The following TNRC6B variants were observed in gnomAD, a reference collection of about 807,000 sequenced individuals.
TNRC6B encodes trinucleotide repeat containing adaptor 6B, also known as trinucleotide repeat-containing gene 6B protein.
In TNRC6B, 52 loss-of-function variants were observed where a neutral mutation model predicts 203.6. The observed-to-expected ratio is 0.26, with a 90% CI of 0.20 to 0.32. The LOEUF (loss-of-function observed/expected upper bound fraction) is 0.32, where lower values mean the gene tolerates loss of function less well. TNRC6B is among the 10% of genes least tolerant of loss of function. The probability of loss-of-function intolerance (pLI) is 1.00; values close to 1 mark genes in which losing one functional copy is unlikely to be tolerated. For synonymous variants in TNRC6B, 838 were observed against 845.7 expected, an observed-to-expected ratio of 0.99 and a Z score of 0.16; for missense variants, 1,923 against 2,286.2, an observed-to-expected ratio of 0.84 and a Z score of 3.24.
At chr22:40,117,761 A>T (rs6001775) in intron 2 of TNRC6B, among the ~76,000 whole-genome samples, 3 of 151,834 alleles carry the variant, frequency 2.0e-5, no homozygotes, top group Non-Finnish European at 4.4e-5. Flanking sequence ...TTTTCCTGTT[A>T]TCTTCTTCTC....
At chr22:40,173,787 ATATATATTTTTTT>A (rs1177762063), upstream of TNRC6B, among the ~76,000 whole-genome samples, 2 of 42,190 alleles carry the variant, frequency 4.7e-5, no homozygotes, top group Non-Finnish European at 4.4e-5. Flanking sequence ...ATATATATAT[ATATATATTTTTTT>A]TTTTTTTTTT....
chr22:40,171,784 T>C (rs367738159), intron 4 of TNRC6B, among the ~76,000 whole-genome samples: 39 of 152,324 alleles, frequency 2.6e-4, no homozygotes, highest in African/African-American at 8.9e-4. Context: ...ATTCATTTCA[T>C]GCCTCTATCC....
intron 3 of TNRC6B, among the ~76,000 whole-genome samples, chr22:40,155,083 A>G (rs1013986067): frequency 6.6e-5 from 10 of 150,824 alleles, no homozygotes; most frequent in African/African-American, 1.7e-4. Context: ...ATAGTATTCT[A>G]TTTTCTGAAA....
At position 40,270,261 on chromosome 22, in the gene TNRC6B, T is replaced by C; in HGVS notation, c.2946T>C (p.Ala982=). ...GCTGGGGGAACACGCCCGCCAACGC[T>C]CCCAATGCCATGAAGCCTAGTAAGT... ...TTGWGNTPAN[A]PNAMKPNSKS... The change falls in exon 6 of 23, where the codon GCT becomes GCC. Residue 982 remains alanine (A), a synonymous_variant. Transcript: ENST00000454349. 2 of 1,460,250 alleles carry C rather than the reference T, an allele frequency of 1.4e-6. No homozygotes were observed. Among genetic ancestry groups the C allele is most frequent in the Non-Finnish European group, 1.8e-6 (2 of 1,100,866 alleles). 90.5% of individuals were successfully genotyped at this position (1,460,250 alleles called of 1,614,324 possible).
At chr22:40,152,033 C>T (rs1568999549) in intron 3 of TNRC6B, among the ~76,000 whole-genome samples, 2 of 152,086 alleles carry the variant, frequency 1.3e-5, no homozygotes. Flanking sequence ...ATTATAAGTA[C>T]TTACCTAGCA....
chr22:40,214,356 T>G (rs1254519715), intron 1 of TNRC6B, among the ~76,000 whole-genome samples: 1 of 152,012 alleles, frequency 6.6e-6, no homozygotes, highest in African/African-American at 2.4e-5. Flanking sequence ...TGGTTATAAG[T>G]TGTATAGAAC....
At chr22:40,185,136 A>G (rs1469545241) in intron 1 of TNRC6B, among the ~76,000 whole-genome samples, 2 of 152,226 alleles carry the variant, frequency 1.3e-5, no homozygotes, top group Admixed American at 6.5e-5. Flanking sequence ...GATTACAGGC[A>G]TGTGCCACCA....
intron 1 of TNRC6B, among the ~76,000 whole-genome samples, 191 bp downstream of exon 1, chr22:40,178,331 A>G (rs1038674717): frequency 6.6e-6 from 1 of 152,172 alleles, no homozygotes; most frequent in Non-Finnish European, 1.5e-5. Flanking sequence ...AGACGTGGTA[A>G]AATATTTAGA....
intron 1 of TNRC6B, among the ~76,000 whole-genome samples, chr22:40,219,683 T>C (rs1320850847): frequency 6.6e-6 from 1 of 152,218 alleles, no homozygotes; most frequent in East Asian, 1.9e-4. Flanking sequence ...GTCTTTCCTC[T>C]ACCTGGATCG....
intron 5 of TNRC6B, among the ~76,000 whole-genome samples, chr22:40,267,709 A>AT (rs896025227): frequency 6.6e-6 from 1 of 152,106 alleles, no homozygotes; most frequent in Non-Finnish European, 1.5e-5. Flanking sequence ...CTACAAAAAT[A>AT]TTTTTTAAAA....
chr22:40,234,051 C>A (rs1047509716), intron 1 of TNRC6B, among the ~76,000 whole-genome samples: 1 of 152,068 alleles, frequency 6.6e-6, no homozygotes, highest in Non-Finnish European at 1.5e-5. Flanking sequence ...TTTGAGAGGC[C>A]GATGCAGGAG....
At chr22:40,262,971 C>T (rs1038300194) in intron 4 of TNRC6B, among the ~76,000 whole-genome samples, 3 of 150,172 alleles carry the variant, frequency 2.0e-5, no homozygotes, top group Non-Finnish European at 3.0e-5. Flanking sequence ...ACCCAGGAGG[C>T]GGAGCTTGCA....
intron 1 of TNRC6B, among the ~76,000 whole-genome samples, chr22:40,069,580 T>A (rs1033588509): frequency 6.6e-6 from 1 of 151,404 alleles, no homozygotes; most frequent in East Asian, 1.9e-4. Flanking sequence ...CTCCGCCTCC[T>A]AGGTTCAGGC....
chr22:40,167,750 G>A (rs920682060), intron 4 of TNRC6B, among the ~76,000 whole-genome samples: 13 of 146,210 alleles, frequency 8.9e-5, no homozygotes, highest in Non-Finnish European at 1.5e-4. Flanking sequence ...GGTGGCACAT[G>A]CCTGTAGTCC....
At chr22:40,058,728 G>A (rs1467642863) in intron 1 of TNRC6B, among the ~76,000 whole-genome samples, 1 of 152,092 alleles carries the variant, frequency 6.6e-6, no homozygotes, top group African/African-American at 2.4e-5. Context: ...CCTGTCGCTG[G>A]CAACCCACCT....
At chr22:40,316,215 A>G (rs956413437) in intron 21 of TNRC6B, among the ~76,000 whole-genome samples, 5 of 152,078 alleles carry the variant, frequency 3.3e-5, no homozygotes, top group African/African-American at 9.7e-5. Context: ...TTAGCTGAGC[A>G]TGGTGGCGGG....
chr22:40,288,400 A>G (rs2070817179), intron 12 of TNRC6B, among the ~76,000 whole-genome samples: 1 of 152,186 alleles, frequency 6.6e-6, no homozygotes, highest in African/African-American at 2.4e-5. Flanking sequence ...GTAGTGATGT[A>G]GGAAAATTTA....
chr22:40,304,591 T>G (rs8142948), intron 15 of TNRC6B, among the ~76,000 whole-genome samples: 38 of 152,312 alleles, frequency 2.5e-4, no homozygotes, highest in African/African-American at 8.9e-4. Flanking sequence ...GAGTCAAATT[T>G]CTTAGTGCTT....
At chr22:40,237,460 C>G (rs1271073587) in intron 1 of TNRC6B, among the ~76,000 whole-genome samples, 1 of 152,162 alleles carries the variant, frequency 6.6e-6, no homozygotes, top group African/African-American at 2.4e-5. Context: ...CAAGTGAGCA[C>G]TGAAATACTG....
Sources: gnomAD v4.1 joint callset for allele counts (sites outside exome capture counted in the v4.1 genomes callset) on GRCh38, gnomAD v4.1.1 for gene constraint, MANE v1.5 for transcripts, NCBI Gene and HGNC (gene_info 2026-07-23, HGNC 2026-07-21) for gene names.